Variants in PWP1 observed in about 807,000 individuals in gnomAD.
PWP1 encodes the protein periodic tryptophan protein 1 homolog.
A neutral mutation model predicts 69.9 loss-of-function variants in PWP1; 47 were observed. The observed-to-expected ratio is 0.67, with a 90% CI of 0.53 to 0.86. The LOEUF (loss-of-function observed/expected upper bound fraction) is 0.86. Among genes scored for constraint, PWP1 ranks in the 40% least tolerant of loss-of-function variants. The pLI, the probability that PWP1 is intolerant of heterozygous loss-of-function variation, is 0.00. For missense variants in PWP1, 551 were observed against 608.8 expected (o/e 0.91, Z 1.00); for synonymous variants, 222 against 208.2 (o/e 1.07, Z -0.57).
In PWP1 at chr12:107,712,346, T is replaced by A; in HGVS notation, c.*126T>A. 1 of 659,664 alleles carries A rather than the reference T, an allele frequency of 1.5e-6. No homozygotes were observed. Among genetic ancestry groups the A allele is most frequent in the Middle Eastern group, 2.5e-4 (1 of 3,976 alleles). The allele number at this position is 659,664 out of a possible 1,614,324, so 40.9% of individuals were successfully genotyped here. ...ACAATTCATTTCTGACTGACATTCC[T>A]TTCTGCAACTGCGGTGGCACCACAA... On this transcript the variant is annotated 3_prime_UTR_variant, in exon 15 of 15. Coordinates refer to ENST00000412830, the MANE Select transcript of PWP1 (RefSeq NM_007062.3).
intron 6 of PWP1, among the ~76,000 whole-genome samples, chr12:107,696,830 G>C (rs954595288): frequency 6.6e-6 from 1 of 152,204 alleles, no homozygotes; most frequent in Admixed American, 6.5e-5. Flanking sequence ...GACAGGGCCT[G>C]AAGCCTTTTG....
intron 5 of PWP1, among the ~76,000 whole-genome samples, chr12:107,693,757 C>A (rs1889530137): frequency 6.6e-6 from 1 of 152,036 alleles, no homozygotes; most frequent in African/African-American, 2.4e-5. Context: ...ATGTATAATC[C>A]CATTTCCCTG....
chr12:107,692,682 C>A, intron 3 of PWP1, 132 bp from the exon 4 acceptor site: 2 of 757,614 alleles, frequency 2.6e-6, no homozygotes, highest in Non-Finnish European at 4.2e-6. Flanking sequence ...AGTTTCCTTT[C>A]CCAACTCTAG....
chr12:107,710,239 T>G (rs545069698), intron 13 of PWP1, among the ~76,000 whole-genome samples, 166 bp from the exon 14 acceptor site: 2 of 152,284 alleles, frequency 1.3e-5, no homozygotes, highest in South Asian at 4.1e-4. Flanking sequence ...GTACTAGCCC[T>G]TCTGACTTGA....
chr12:107,699,470 CTG>C (rs1381053751), intron 8 of PWP1, 36 bp downstream of exon 8: 2 of 1,544,124 alleles, frequency 1.3e-6, no homozygotes, highest in East Asian at 4.5e-5. Context: ...TTGTAAAAGA[CTG>C]TAGCCATTGT....
chr12:107,691,337 G>A (rs1889476258), intron 3 of PWP1, among the ~76,000 whole-genome samples: 1 of 152,162 alleles, frequency 6.6e-6, no homozygotes, highest in African/African-American at 2.4e-5. Flanking sequence ...GACTTAATTG[G>A]GTCCCAGTAA....
intron 8 of PWP1, among the ~76,000 whole-genome samples, chr12:107,701,938 A>G: frequency 6.6e-6 from 1 of 152,212 alleles, no homozygotes; most frequent in Non-Finnish European, 1.5e-5. Flanking sequence ...TCTGCCTTGC[A>G]AAGTGCTGGG....
At position 107,702,944 on chromosome 12, in the gene PWP1, A is replaced by C. The variant is rs1224912693; in HGVS notation, c.816A>C (p.Leu272Phe). The C allele has an allele frequency of 1.9e-6, 3 of 1,603,934 alleles. No individual in the cohort carries two copies. Among genetic ancestry groups the C allele is most frequent in the African/African-American group, 1.3e-5 (1 of 74,756 alleles). The change falls in exon 9 of 15, where the codon TTA becomes TTC. Residue 272 changes from leucine to phenylalanine, a missense_variant. Transcript: ENST00000412830. ...LSWNKLIRNV[L>F]ASASADNTVI... ...TTCTTCCCTTTCTCAGAAATGTTTT[A>C]GCAAGTGCATCAGCTGACAACACTG...
intron 11 of PWP1, among the ~76,000 whole-genome samples, chr12:107,705,742 A>C (rs558363583): frequency 6.6e-6 from 1 of 152,106 alleles, no homozygotes; most frequent in African/African-American, 2.4e-5. Context: ...CATGGTGTAT[A>C]TGTGCCACAT....
At chr12:107,707,453 G>A (rs1473648596) in intron 11 of PWP1, among the ~76,000 whole-genome samples, 1 of 152,218 alleles carries the variant, frequency 6.6e-6, no homozygotes, top group Non-Finnish European at 1.5e-5. Flanking sequence ...AGTGGTGAGA[G>A]AGGGCATCCC....
chr12:107,712,753 G>A lies in PWP1; in HGVS notation c.*533G>A, dbSNP rs1258323689. On this transcript the variant is annotated 3_prime_UTR_variant, in exon 15 of 15. Coordinates refer to ENST00000412830, the MANE Select transcript of PWP1 (RefSeq NM_007062.3). ...AAAGTTACATGCCCCTGTTTTCCTA[G>A]CATGATATTCACTGTTATCAAAGAC... The A allele has an allele frequency of 1.3e-5, 2 of 152,654 alleles. No individual in the cohort carries two copies. The highest frequency in any genetic ancestry group is 6.5e-5 in the Admixed American group (1 of 15,332). 9.5% of individuals were successfully genotyped at this position (152,654 alleles called of 1,614,324 possible). A position where few individuals can be genotyped will look rare whatever the true frequency, so the allele number is the denominator to read the frequency against.
intron 8 of PWP1, among the ~76,000 whole-genome samples, chr12:107,702,172 C>T (rs2136281268): frequency 6.6e-6 from 1 of 152,232 alleles, no homozygotes; most frequent in South Asian, 2.1e-4. Flanking sequence ...ATGAACTTGC[C>T]AACTTTGTTC....
intron 5 of PWP1, among the ~76,000 whole-genome samples, chr12:107,694,147 T>C (rs980358616): frequency 6.6e-6 from 1 of 152,202 alleles, no homozygotes; most frequent in African/African-American, 2.4e-5. Context: ...TAAAATCTGT[T>C]TTTTATATGC....
At chr12:107,695,052 G>A (rs566953379) in intron 5 of PWP1, among the ~76,000 whole-genome samples, 1 of 150,408 alleles carries the variant, frequency 6.6e-6, no homozygotes, top group African/African-American at 2.4e-5. Flanking sequence ...TCAGGAGATC[G>A]AGACCATCCT....
chr12:107,699,285 A>C, intron 7 of PWP1, 88 bp from the exon 8 acceptor site: 1 of 1,024,854 alleles, frequency 9.8e-7, no homozygotes. Context: ...AAATAATCTT[A>C]AGGTTTAAAG....
At chr12:107,693,730 C>T (rs968603487) in intron 5 of PWP1, among the ~76,000 whole-genome samples, 4 of 152,118 alleles carry the variant, frequency 2.6e-5, no homozygotes, top group Admixed American at 2.6e-4. Flanking sequence ...AAGACCCCAT[C>T]TCTAGGGGAG....
intron 11 of PWP1, among the ~76,000 whole-genome samples, 185 bp from the exon 12 acceptor site, chr12:107,708,741 C>T (rs746598297): frequency 2.0e-5 from 3 of 152,204 alleles, no homozygotes; most frequent in Non-Finnish European, 4.4e-5. Flanking sequence ...GTAGACATGT[C>T]AACTGAATTA....
intron 5 of PWP1, 135 bp downstream of exon 5, chr12:107,693,231 A>G: frequency 7.6e-7 from 1 of 1,309,964 alleles, no homozygotes; most frequent in Non-Finnish European, 1.0e-6. Flanking sequence ...ACTTTTACAC[A>G]GGTGGCCAAT....
intron 1 of PWP1, 30 bp downstream of exon 1, chr12:107,686,001 A>G: frequency 6.2e-7 from 1 of 1,611,024 alleles, no homozygotes; most frequent in Non-Finnish European, 8.5e-7. Flanking sequence ...AGACAAGGGG[A>G]GCAGCGTCTT....
Sources: allele counts gnomAD v4.1 joint callset (sites outside exome capture counted in the v4.1 genomes callset), GRCh38; gene constraint gnomAD v4.1.1; transcripts MANE v1.5; gene names NCBI Gene and HGNC (gene_info 2026-07-23, HGNC 2026-07-21).